THUMPD2: variants seen among roughly 807,000 people sequenced by gnomAD.
THUMPD2 encodes U6 snRNA (guanine-N(2))-methyltransferase THUMPD2.
THUMPD2 carries 56 observed loss-of-function variants against 49.4 expected under a neutral mutation model. The observed-to-expected ratio is 1.13, with a 90% confidence interval of 0.91 to 1.41. The LOEUF is 1.41. Among genes scored for constraint, THUMPD2 ranks in the 40% most tolerant of loss-of-function variants. The pLI is 0.00. For missense variants in THUMPD2, 709 were observed against 594.5 expected (o/e 1.19, Z -2.00); for synonymous variants, 237 against 205.2 (o/e 1.15, Z -1.32).
Position 39,768,744 on chromosome 2 carries a change from T to C in THUMPD2, c.673-243A>G. 9.7e-6 allele frequency: 7 copies of C among 721,942 alleles called. No homozygotes were observed. In the East Asian group the frequency reaches 1.8e-4, roughly 19 times the overall value. The allele number at this position is 721,942 out of a possible 1,614,324, so 44.7% of individuals were successfully genotyped here. A position where few individuals can be genotyped will look rare whatever the true frequency, so the allele number is the denominator to read the frequency against. On this transcript the variant is annotated intron_variant, in intron 3 of 9. Transcript: ENST00000505747. ...AATGTCTACTCATGCATAATCTCTA[T>C]CCTTGTAATTTTAGGTATATGAAAT...
At chr2:39,745,070 C>G (rs1213015829) in intron 8 of THUMPD2, among the ~76,000 whole-genome samples, 1 of 152,118 alleles carries the variant, frequency 6.6e-6, no homozygotes. Flanking sequence ...TCAGAAGTTA[C>G]GTTATCAGAA....
At chr2:39,756,688 A>G (rs970270344) in intron 6 of THUMPD2, among the ~76,000 whole-genome samples, 10 of 152,112 alleles carry the variant, frequency 6.6e-5, no homozygotes, top group Non-Finnish European at 8.8e-5. Flanking sequence ...CAAATTATCA[A>G]TACCAAGCCG....
Position 39,779,219 on chromosome 2 carries a change from C to G in THUMPD2, c.21G>C (p.Glu7Asp), listed in dbSNP as rs901606693. 6 of 1,502,008 alleles carry G rather than the reference C, an allele frequency of 4.0e-6. No individual in the cohort carries two copies. The highest frequency in any genetic ancestry group is 2.5e-5 in the South Asian group (2 of 80,330). The allele number at this position is 1,502,008 out of a possible 1,614,324, so 93.0% of individuals were successfully genotyped here. A position where few individuals can be genotyped will look rare whatever the true frequency, so the allele number is the denominator to read the frequency against. MSEARG[E>D]PGSGPEAGAR... Reference sequence around the variant, plus strand: ...CGCCAGCCTCAGGCCCGGACCCTGGCTCTCCACGCGCCTCCGACATGGCGG... The same window carrying G: ...CGCCAGCCTCAGGCCCGGACCCTGGGTCTCCACGCGCCTCCGACATGGCGG... Residue 7 changes from glutamate (E) to aspartate (D), a missense_variant, in exon 1 of 10, where the codon GAG becomes GAC. By Grantham distance (45) the Glu-to-Asp change is conservative. Coordinates refer to ENST00000505747, the MANE Select transcript of THUMPD2 (RefSeq NM_025264.5).
At chr2:39,766,786 A>G (rs1677576029) in intron 4 of THUMPD2, among the ~76,000 whole-genome samples, 1 of 152,188 alleles carries the variant, frequency 6.6e-6, no homozygotes, top group South Asian at 2.1e-4. Flanking sequence ...ATAACTTTAA[A>G]TATTAACAGC....
In THUMPD2 at chr2:39,770,074, C is replaced by A. The variant is rs1268316165; in HGVS notation, c.308G>T (p.Gly103Val). Reference protein sequence around the residue: ...EMQRLINEDPGSWLNAISIWK... With the variant: ...EMQRLINEDPVSWLNAISIWK... ...AATTGAAATGGCATTCAACCAACTT[C>A]CTGGATCTTCATTTATAAGTCTTTG... is the stretch of plus-strand genomic sequence containing the variant. The change falls in exon 3 of 10, where the codon GGA becomes GTA. Residue 103 changes from glycine to valine, a missense_variant. Coordinates refer to ENST00000505747, the MANE Select transcript of THUMPD2 (RefSeq NM_025264.5). The A allele has an allele frequency of 1.3e-6, 2 of 1,547,474 alleles. No individual in the cohort carries two copies. The highest frequency in any genetic ancestry group is 2.8e-5 in the African/African-American group (2 of 71,042).
chr2:39,754,839 A>C (rs1675884927), intron 8 of THUMPD2, among the ~76,000 whole-genome samples: 2 of 152,100 alleles, frequency 1.3e-5, no homozygotes, highest in African/African-American at 4.8e-5. Context: ...TGGTTTAGCA[A>C]ATTGGGATGG....
chr2:39,752,713 A>T (rs1484035403), intron 8 of THUMPD2, among the ~76,000 whole-genome samples: 2 of 152,204 alleles, frequency 1.3e-5, no homozygotes, highest in Non-Finnish European at 2.9e-5. Flanking sequence ...TCACAGAAGA[A>T]TCATTTACAA....
Position 39,779,162 on chromosome 2 carries a change from C to T in THUMPD2, c.78G>A (p.Leu26=), listed in dbSNP as rs1414626776. ...GCACCTCTCGCATTACGAACGGCTC[C>T]AGGCCGCGACCCGCAGTGCAGAAGA... is the stretch of plus-strand genomic sequence containing the variant. ...ARFFCTAGRG[L]EPFVMREVRA... is the part of the protein sequence containing the mutation. The change falls in exon 1 of 10, where the codon CTG becomes CTA. Residue 26 remains leucine (L), a synonymous_variant. Coordinates refer to ENST00000505747, the MANE Select transcript of THUMPD2 (RefSeq NM_025264.5). The T allele has an allele frequency of 1.3e-6, 2 of 1,521,424 alleles. No individual in the cohort carries two copies. The highest frequency in any genetic ancestry group is 1.8e-6 in the Non-Finnish European group (2 of 1,140,002). 94.2% of individuals were successfully genotyped at this position (1,521,424 alleles called of 1,614,324 possible).
rs537090300 is a variant in THUMPD2, at chr2:39,761,438, A to G, written c.804-20T>C. ...GAAACCCTACAAAGGATAGAATCTG[A>G]TTATATATTATTACACATTGAACAA... On this transcript the variant is annotated intron_variant, in intron 5 of 9. Coordinates refer to ENST00000505747, the MANE Select transcript of THUMPD2 (RefSeq NM_025264.5). The G allele has an allele frequency of 6.3e-7, 1 of 1,599,350 alleles. No individual in the cohort carries two copies. The highest frequency in any genetic ancestry group is 8.6e-7 in the Non-Finnish European group (1 of 1,167,360).
intron 3 of THUMPD2, 33 bp downstream of exon 3, chr2:39,769,677 G>C: frequency 1.4e-6 from 2 of 1,472,580 alleles, no homozygotes; most frequent in Non-Finnish European, 1.8e-6. Context: ...TTCCAGCCTG[G>C]GCGACAGACT....
In THUMPD2 at chr2:39,760,284, T is replaced by C. The variant is rs889556975; in HGVS notation, c.891+1047A>G. Among the ~76,000 whole-genome samples, 4 of 152,014 alleles carry C rather than the reference T, an allele frequency of 2.6e-5. 1 individual carries two copies. The highest frequency in any genetic ancestry group is 5.9e-5 in the Non-Finnish European group (4 of 67,988). Reference sequence around the variant, plus strand: ...GGGAAGAGGGGGAAGTTGGGGAAAATTGGAGTGCCTTGGTAAAAACGGTGT... The same window carrying C: ...GGGAAGAGGGGGAAGTTGGGGAAAACTGGAGTGCCTTGGTAAAAACGGTGT... On this transcript the variant is annotated intron_variant, in intron 6 of 9. Coordinates refer to ENST00000505747, the MANE Select transcript of THUMPD2 (RefSeq NM_025264.5).
intron 9 of THUMPD2, among the ~76,000 whole-genome samples, chr2:39,743,295 T>C (rs1171538410): frequency 6.6e-6 from 1 of 152,232 alleles, no homozygotes; most frequent in Non-Finnish European, 1.5e-5. Context: ...GTATGCATTC[T>C]ATGTTCTCTT....
intron 8 of THUMPD2, among the ~76,000 whole-genome samples, chr2:39,748,996 A>G (rs1489129789): frequency 6.6e-6 from 1 of 152,014 alleles, no homozygotes. Flanking sequence ...AAAAAAAAAA[A>G]CAAAACAAAA....
intron 1 of THUMPD2, among the ~76,000 whole-genome samples, chr2:39,775,744 C>CA (rs1679000518): frequency 9.3e-6 from 1 of 107,518 alleles, no homozygotes. Flanking sequence ...GCCTGGGCGA[C>CA]AGAGTAACAC....
At chr2:39,769,251 A>G (rs1677972314) in intron 3 of THUMPD2, 1 of 349,168 alleles carries the variant, frequency 2.9e-6, no homozygotes, top group African/African-American at 2.1e-5. Context: ...TTGGAATGGC[A>G]TACCATTCCT....
At chr2:39,768,320 T>C in intron 4 of THUMPD2, 104 bp downstream of exon 4, 1 of 984,452 alleles carries the variant, frequency 1.0e-6, no homozygotes, top group South Asian at 1.4e-5. Context: ...GTAGATACAC[T>C]TTTTATAACT....
intron 3 of THUMPD2, 182 bp downstream of exon 3, chr2:39,769,528 C>G (rs916569196): frequency 5.8e-6 from 3 of 517,606 alleles, no homozygotes; most frequent in Non-Finnish European, 3.1e-6. Flanking sequence ...ATGGTGAAAC[C>G]CTGTCTCTAC....
At chr2:39,748,396 T>A (rs1187358380) in intron 8 of THUMPD2, among the ~76,000 whole-genome samples, 1 of 152,180 alleles carries the variant, frequency 6.6e-6, no homozygotes, top group Non-Finnish European at 1.5e-5. Context: ...GCAGTTCATC[T>A]GTTCTGTGTA....
chr2:39,778,942 G>A (rs1558553655), intron 1 of THUMPD2, among the ~76,000 whole-genome samples, 172 bp downstream of exon 1: 1 of 152,246 alleles, frequency 6.6e-6, no homozygotes, highest in African/African-American at 2.4e-5. Flanking sequence ...AAGGAATGGT[G>A]GCTTCTCTCG....
Sources: gnomAD v4.1 joint callset for allele counts (sites outside exome capture counted in the v4.1 genomes callset) on GRCh38, gnomAD v4.1.1 for gene constraint, MANE v1.5 for transcripts, NCBI Gene and HGNC (gene_info 2026-07-23, HGNC 2026-07-21) for gene names.